ITGA4: variants seen among roughly 807,000 people sequenced by gnomAD.
ITGA4 encodes the protein integrin alpha-4.
ITGA4 carries 63 observed loss-of-function variants against 133.6 expected under a neutral mutation model. The observed-to-expected ratio is 0.47, with a 90% confidence interval of 0.38 to 0.58. The LOEUF (loss-of-function observed/expected upper bound fraction) is 0.58, where lower values mean the gene tolerates loss of function less well. Among genes scored for constraint, ITGA4 ranks in the 20% least tolerant of loss-of-function variants. The pLI is 0.00. For synonymous variants in ITGA4, 483 were observed against 438.0 expected, an observed-to-expected ratio of 1.10 and a Z score of -1.28; for missense variants, 1,076 against 1,252.7, an observed-to-expected ratio of 0.86 and a Z score of 2.13.
chr2:181,481,568 G>A, intron 6 of ITGA4, 30 bp from the exon 7 acceptor site: 1 of 1,235,332 alleles, frequency 8.1e-7, no homozygotes, highest in Non-Finnish European at 1.2e-6. Context: ...CTTTACCCAG[G>A]ACTCTCATAC....
At chr2:181,471,804 A>G (rs1198512790) in intron 2 of ITGA4, among the ~76,000 whole-genome samples, 4 of 152,124 alleles carry the variant, frequency 2.6e-5, no homozygotes, top group Admixed American at 6.6e-5. Context: ...TCCTACATTT[A>G]TTCTTAAGTA....
intron 21 of ITGA4, among the ~76,000 whole-genome samples, chr2:181,526,481 G>T (rs1305525208): frequency 6.6e-6 from 1 of 152,066 alleles, no homozygotes; most frequent in Non-Finnish European, 1.5e-5. Context: ...CAAATCACAG[G>T]CCTTTAAAAG....
At chr2:181,511,850 AGAAAAG>A (rs1458002497) in intron 17 of ITGA4, 75 bp downstream of exon 17, 1 of 736,674 alleles carries the variant, frequency 1.4e-6, no homozygotes, top group Non-Finnish European at 2.4e-6. Flanking sequence ...CATTCCCAAA[AGAAAAG>A]GAACAAGAGC....
rs1268440290 is a variant in ITGA4, at chr2:181,523,868, T to C, written c.2170-303T>C. On this transcript the variant is annotated intron_variant, in intron 19 of 27. Coordinates refer to ENST00000397033, the MANE Select transcript of ITGA4 (RefSeq NM_000885.6). The surrounding 1 kb of genome is among the most constrained non-coding windows in gnomAD (Gnocchi z 4.2). Reference sequence around the variant, plus strand: ...ATGTTACCTCTGCTATACAAAAAGGTGTTTTTGGCAAGAGTCTCCACTCAA... The same window carrying C: ...ATGTTACCTCTGCTATACAAAAAGGCGTTTTTGGCAAGAGTCTCCACTCAA... Among the ~76,000 whole-genome samples, 1 of 151,900 alleles carries C rather than the reference T, an allele frequency of 6.6e-6. No individual in the cohort carries two copies. The highest frequency in any genetic ancestry group is 1.5e-5 in the Non-Finnish European group (1 of 67,978).
chr2:181,497,077 C>G (rs1293836065), intron 14 of ITGA4, among the ~76,000 whole-genome samples: 3 of 152,136 alleles, frequency 2.0e-5, no homozygotes, highest in Non-Finnish European at 4.4e-5. Context: ...AAGCCTTCAT[C>G]TAGTTATTGA....
At chr2:181,493,667 C>T (rs978823108) in intron 11 of ITGA4, among the ~76,000 whole-genome samples, 12 of 152,174 alleles carry the variant, frequency 7.9e-5, no homozygotes, top group Non-Finnish European at 1.6e-4. Flanking sequence ...TTAAAGATTT[C>T]TCTTTGTATT....
chr2:181,498,100 A>G (rs1419828031), intron 14 of ITGA4, among the ~76,000 whole-genome samples: 7 of 152,064 alleles, frequency 4.6e-5, no homozygotes, highest in Non-Finnish European at 5.9e-5. Flanking sequence ...AGAAAACCGT[A>G]TATATAGATT....
intron 2 of ITGA4, among the ~76,000 whole-genome samples, chr2:181,461,614 A>G (rs1685280860): frequency 6.6e-6 from 1 of 152,180 alleles, no homozygotes; most frequent in Non-Finnish European, 1.5e-5. Context: ...CCATCCATGG[A>G]CTATCAATAT....
chr2:181,509,580 T>A (rs1243947071), intron 15 of ITGA4, 78 bp from the exon 16 acceptor site: 1 of 1,173,630 alleles, frequency 8.5e-7, no homozygotes, highest in African/African-American at 1.6e-5. Flanking sequence ...TGTTTGGCCC[T>A]TTTCAGGAAA....
chr2:181,493,213 C>T, intron 10 of ITGA4, 112 bp from the exon 11 acceptor site: 1 of 641,988 alleles, frequency 1.6e-6, no homozygotes, highest in South Asian at 2.0e-5. Context: ...TGTTATTTTT[C>T]ATAAAAGAGA....
In ITGA4 at chr2:181,485,900, T is replaced by C; in HGVS notation, c.1061T>C (p.Met354Thr). Residue 354 changes from methionine (M) to threonine (T), a missense_variant, in exon 10 of 28, where the codon ATG (methionine) becomes ACG (threonine). Met to Thr is a moderately conservative substitution (Grantham distance 81). Around this residue, in one of 4 missense-constraint regions of ITGA4, gnomAD observed 436 missense variants for 590.7 expected, o/e 0.74. Transcript: ENST00000397033. ...ATCTAGGGAGCAGTAATGAATGCAATGGAAACAAACCTCGTTGGAAGTGAC... is the reference window on the plus strand; with the variant it reads ...ATCTAGGGAGCAGTAATGAATGCAACGGAAACAAACCTCGTTGGAAGTGAC... Reference protein sequence around the residue: ...NSGSGAVMNAMETNLVGSDKY... With the variant: ...NSGSGAVMNATETNLVGSDKY... 6.2e-7 allele frequency: 1 copy of C among 1,604,830 alleles called. No individual in the cohort carries two copies. Among genetic ancestry groups the C allele is most frequent in the Non-Finnish European group, 8.5e-7 (1 of 1,177,838 alleles).
chr2:181,459,762 C>T (rs556822480), intron 2 of ITGA4, among the ~76,000 whole-genome samples: 1 of 152,260 alleles, frequency 6.6e-6, no homozygotes, highest in African/African-American at 2.4e-5. Flanking sequence ...TTTGGTCTGC[C>T]AGAGGATCTT....
intron 2 of ITGA4, among the ~76,000 whole-genome samples, chr2:181,468,886 C>T (rs896011082): frequency 9.2e-5 from 14 of 152,216 alleles, no homozygotes; most frequent in African/African-American, 3.4e-4. Flanking sequence ...AAGAATTAGT[C>T]ATTCTAGTTG....
chr2:181,509,985 C>A lies in ITGA4; in HGVS notation c.1845+178C>A. 6.0e-6 allele frequency: 3 copies of A among 500,040 alleles called. No individual in the cohort carries two copies. In the South Asian group the frequency reaches 7.9e-5, roughly 13 times the overall value. The allele number at this position is 500,040 out of a possible 1,614,324, so 31.0% of individuals were successfully genotyped here. A position where few individuals can be genotyped will look rare whatever the true frequency, so the allele number is the denominator to read the frequency against. Reference sequence around the variant, plus strand: ...TTTATATTCCCTTTAGGATATTGAACTGAATATTTTAAAATATGCATTTAA... The same window carrying A: ...TTTATATTCCCTTTAGGATATTGAAATGAATATTTTAAAATATGCATTTAA... On this transcript the variant is annotated intron_variant, in intron 16 of 27. Coordinates refer to ENST00000397033, the MANE Select transcript of ITGA4 (RefSeq NM_000885.6).
rs771451125 is a variant in ITGA4 at position 181,485,878 on chromosome 2, T to G, written c.1042-3T>G. On this transcript the variant is annotated splice_region_variant and splice_polypyrimidine_tract_variant and intron_variant, in intron 9 of 27. Transcript: ENST00000397033. ...GACACGTTTTCTCTCCCTTTCTATCTAGGGAGCAGTAATGAATGCAATGGA... is the reference window on the plus strand; with the variant it reads ...GACACGTTTTCTCTCCCTTTCTATCGAGGGAGCAGTAATGAATGCAATGGA... 6.3e-7 allele frequency: 1 copy of G among 1,593,428 alleles called. No individual in the cohort carries two copies. The highest frequency in any genetic ancestry group is 1.4e-5 in the African/African-American group (1 of 74,002).
At chr2:181,493,177 T>A (rs965234732) in intron 10 of ITGA4, 148 bp from the exon 11 acceptor site, 8 of 590,126 alleles carry the variant, frequency 1.4e-5, no homozygotes, top group Non-Finnish European at 2.4e-5. Flanking sequence ...GATGATAGTA[T>A]TTTATTTTTT....
At chr2:181,507,352 A>G (rs148044073) in intron 15 of ITGA4, among the ~76,000 whole-genome samples, 75 of 152,210 alleles carry the variant, frequency 4.9e-4, no homozygotes, top group African/African-American at 1.7e-3. Context: ...AGGTTTCTCA[A>G]TTGAATTCTG....
At chr2:181,484,585 T>C (rs571057569) in intron 9 of ITGA4, among the ~76,000 whole-genome samples, 6 of 152,354 alleles carry the variant, frequency 3.9e-5, no homozygotes, top group Admixed American at 3.3e-4. Flanking sequence ...TTTATAAAGA[T>C]GATTCCCAGT....
intron 11 of ITGA4, among the ~76,000 whole-genome samples, chr2:181,493,704 T>A (rs564971642): frequency 6.6e-6 from 1 of 152,222 alleles, no homozygotes; most frequent in Non-Finnish European, 1.5e-5. Context: ...TGAGGTAATA[T>A]CCATATGATT....
Sources: gnomAD v4.1 joint callset for allele counts (sites outside exome capture counted in the v4.1 genomes callset) on GRCh38, gnomAD v4.1.1 for gene constraint, gnomAD v4.1.1 regional missense constraint, Gnocchi (gnomAD v3.1) non-coding constraint, MANE v1.5 for transcripts, NCBI Gene and HGNC (gene_info 2026-07-23, HGNC 2026-07-21) for gene names.